LRRC73: variants seen among roughly 807,000 people sequenced by gnomAD.
LRRC73 encodes leucine-rich repeat-containing protein 73.
A neutral mutation model predicts 26.4 loss-of-function variants in LRRC73; 16 were observed. The ratio of observed to expected loss-of-function variants is 0.61; its 90% CI spans 0.41 to 0.92. The LOEUF (loss-of-function observed/expected upper bound fraction) is 0.92, where lower values mean the gene tolerates loss of function less well. Ranked by LOEUF, LRRC73 falls within the 40% of genes least tolerant of loss-of-function variation. LRRC73 has a pLI of 0.00. For missense variants in LRRC73, 344 were observed against 416.3 expected (o/e 0.83, Z 1.51); for synonymous variants, 210 against 179.8 (o/e 1.17, Z -1.34).
Position 43,507,930 on chromosome 6 carries a change from G to C in LRRC73, c.557-4C>G. 1 of 1,613,182 alleles carries C rather than the reference G, an allele frequency of 6.2e-7. No homozygotes were observed. The highest frequency in any genetic ancestry group is 8.5e-7 in the Non-Finnish European group (1 of 1,179,386). On this transcript the variant is annotated splice_region_variant and splice_polypyrimidine_tract_variant and intron_variant, in intron 3 of 5. Transcript: ENST00000372441. ...AGCATTCCTGCCACATGGTCACCTGGGGAGACAACACACGTGCACACATTC... is the reference window on the plus strand; with the variant it reads ...AGCATTCCTGCCACATGGTCACCTGCGGAGACAACACACGTGCACACATTC...
intron 1 of LRRC73, among the ~76,000 whole-genome samples, 154 bp downstream of exon 1, chr6:43,509,360 G>A (rs994683144): frequency 6.6e-6 from 1 of 152,248 alleles, no homozygotes; most frequent in Non-Finnish European, 1.5e-5. Context: ...GTGCTTGGAG[G>A]GTGCTGTGAA....
In LRRC73 at chr6:43,509,542, G is replaced by T. The variant is rs766511780; in HGVS notation, c.244C>A (p.Arg82=). 5 of 1,609,348 alleles carry T rather than the reference G, an allele frequency of 3.1e-6. No individual in the cohort carries two copies. In the South Asian group the frequency reaches 5.5e-5, roughly 18 times the overall value. The change falls in exon 1 of 6, where the codon CGG becomes AGG. Residue 82 remains arginine, a synonymous_variant. Coordinates refer to ENST00000372441, the Ensembl canonical transcript of LRRC73. ...AGGGACTGGATGGAGCGGTTGGTCC[G>T]CAGAGCCTCAGCCAGCTGCTTGATG...
chr6:43,508,528 C>G, intron 2 of LRRC73, 108 bp from the exon 3 acceptor site: 4 of 1,524,940 alleles, frequency 2.6e-6, no homozygotes, highest in African/African-American at 1.4e-5. Context: ...TGGGCACCAC[C>G]TTACCCCCAC....
intron 2 of LRRC73, 96 bp downstream of exon 2, chr6:43,508,664 A>AT: frequency 6.7e-7 from 1 of 1,486,758 alleles, no homozygotes; most frequent in Non-Finnish European, 9.1e-7. Context: ...GTTCTCGCCC[A>AT]CATCATCAGA....
At position 43,508,245 on chromosome 6, in the gene LRRC73, C is replaced by G. The variant is rs1792564266; in HGVS notation, c.556+53G>C. ...CCATGTCAACTGATGGTCCCAGGCT[C>G]TTGGATAGGGCATGAGGCAGTGACA... On this transcript the variant is annotated intron_variant, in intron 3 of 5. Transcript: ENST00000372441. 6 of 1,558,082 alleles carry G rather than the reference C, an allele frequency of 3.9e-6. No homozygotes were observed. The African/African-American group carries it at 8.2e-5, about 21-fold the overall frequency.
At chr6:43,508,182 G>C (rs1451258039) in intron 3 of LRRC73, 116 bp downstream of exon 3, 1 of 1,414,300 alleles carries the variant, frequency 7.1e-7, no homozygotes, top group African/African-American at 1.4e-5. Context: ...GACCCCTGGG[G>C]GCTCCCGTTT....
At position 43,507,323 on chromosome 6, in the gene LRRC73, A is replaced by T. The variant is rs1792522006; in HGVS notation, c.881-15T>A. On this transcript the variant is annotated splice_polypyrimidine_tract_variant and intron_variant, in intron 5 of 5. Transcript: ENST00000372441. ...AGAGCTGGGATCTGTGGAAGGGCAG[A>T]GAAGTGTTCAGACCACCATTCCTTC... 1 of 1,613,758 alleles carries T rather than the reference A, an allele frequency of 6.2e-7. No homozygotes were observed. Among genetic ancestry groups the T allele is most frequent in the Non-Finnish European group, 8.5e-7 (1 of 1,179,950 alleles).
At chr6:43,508,767 G>A (rs1423789203) in exon 2 of LRRC73, 2 of 1,609,184 alleles carry the variant, frequency 1.2e-6, no homozygotes, top group South Asian at 1.1e-5. Flanking sequence ...CACCAGATTT[G>A]GCCCCATCTG....
At chr6:43,507,135 T>C (rs1341516554) in exon 6 of LRRC73, 3 of 1,260,630 alleles carry the variant, frequency 2.4e-6, no homozygotes, top group South Asian at 1.3e-5. Flanking sequence ...ATGCAGCCCC[T>C]GACCCCAGTT....
At position 43,508,662 on chromosome 6, in the gene LRRC73, C is replaced by T. The variant is rs544774198; in HGVS notation, c.433+98G>A. On this transcript the variant is annotated intron_variant, in intron 2 of 5. Coordinates refer to ENST00000372441, the Ensembl canonical transcript of LRRC73. ...GAGAGGAGTAGAAAGATGTTCTCGCCCACATCATCAGAGCTCTGGGGCCAC... is the reference window on the plus strand; with the variant it reads ...GAGAGGAGTAGAAAGATGTTCTCGCTCACATCATCAGAGCTCTGGGGCCAC... 7 of 1,486,326 alleles carry T rather than the reference C, an allele frequency of 4.7e-6. No homozygotes were observed. The East Asian group carries it at 6.8e-5, about 15-fold the overall frequency. The allele number at this position is 1,486,326 out of a possible 1,614,324, so 92.1% of individuals were successfully genotyped here.
Position 43,509,505 on chromosome 6 carries a change from C to T in LRRC73, c.272+9G>A. 6.3e-7 allele frequency: 1 copy of T among 1,594,294 alleles called. No homozygotes were observed. Among genetic ancestry groups the T allele is most frequent in the Non-Finnish European group, 8.6e-7 (1 of 1,169,116 alleles). On this transcript the variant is annotated intron_variant, in intron 1 of 5. Transcript: ENST00000372441. The stretch of plus-strand genomic sequence containing the variant: ...TGCCCGGGACCCCCTTGCGAGGGGG[C>T]GCACTCACAAGAGGGACTGGATGGA...
chr6:43,508,668 C>A, intron 2 of LRRC73, 92 bp downstream of exon 2: 1 of 1,497,048 alleles, frequency 6.7e-7, no homozygotes, highest in South Asian at 1.3e-5. Context: ...TCGCCCACAT[C>A]ATCAGAGCTC....
At chr6:43,507,705 G>C in intron 4 of LRRC73, 27 bp from the exon 5 acceptor site, 9 of 1,610,010 alleles carry the variant, frequency 5.6e-6, no homozygotes, top group Non-Finnish European at 7.6e-6. Flanking sequence ...TATGGAAAAG[G>C]ATGAACACAG....
intron 1 of LRRC73, among the ~76,000 whole-genome samples, chr6:43,509,164 G>C (rs943056342): frequency 9.9e-5 from 15 of 152,144 alleles, no homozygotes; most frequent in African/African-American, 1.4e-4. Flanking sequence ...GTGGGTGGGT[G>C]GTGGACCGGA....
At chr6:43,507,048 GC>G in exon 6 of LRRC73, 1 of 610,192 alleles carries the variant, frequency 1.6e-6, no homozygotes, top group Non-Finnish European at 2.9e-6. Context: ...GGGTTCAAGT[GC>G]CCCCCAAGGC....
chr6:43,507,348 C>T, intron 5 of LRRC73, 40 bp from the exon 6 acceptor site: 5 of 1,612,288 alleles, frequency 3.1e-6, no homozygotes, highest in Non-Finnish European at 2.5e-6. Context: ...ACCATTCCTT[C>T]CTCCAATGGG....
chr6:43,507,340 C>T (rs779708828), intron 5 of LRRC73, 32 bp from the exon 6 acceptor site: 127 of 1,613,158 alleles, frequency 7.9e-5, no homozygotes, highest in Non-Finnish European at 1.0e-4. Context: ...TTCAGACCAC[C>T]ATTCCTTCCT....
intron 3 of LRRC73, among the ~76,000 whole-genome samples, 164 bp from the exon 4 acceptor site, chr6:43,508,090 C>T (rs1021854630): frequency 3.3e-5 from 5 of 152,202 alleles, no homozygotes; most frequent in African/African-American, 9.7e-5. Flanking sequence ...AGTGAAGGCA[C>T]GAAGCAAGTT....
chr6:43,508,806 G>A (rs762127887), exon 2 of LRRC73: 19 of 1,612,954 alleles, frequency 1.2e-5, no homozygotes, highest in Non-Finnish European at 1.5e-5. Context: ...TGAGGTTGAT[G>A]GCTTCATCAC....
Sources: gnomAD v4.1 joint callset for allele counts (sites outside exome capture counted in the v4.1 genomes callset) on GRCh38, gnomAD v4.1.1 for gene constraint, MANE v1.5 for transcripts, NCBI Gene and HGNC (gene_info 2026-07-23, HGNC 2026-07-21) for gene names.